FBLN5: variants seen among roughly 807,000 people sequenced by gnomAD.
The protein encoded by FBLN5 is fibulin-5.
FBLN5 carries 24 observed loss-of-function variants against 61.6 expected under a neutral mutation model. The observed-to-expected ratio is 0.39, with a 90% CI of 0.28 to 0.55. FBLN5 has a LOEUF of 0.55. Among genes scored for constraint, FBLN5 ranks in the 20% least tolerant of loss-of-function variants. The pLI is 0.65. For synonymous variants in FBLN5, 213 were observed against 219.8 expected, an observed-to-expected ratio of 0.97 and a Z score of 0.27; for missense variants, 470 against 594.1, an observed-to-expected ratio of 0.79 and a Z score of 2.17.
At position 91,937,176 on chromosome 14, in the gene FBLN5, G is replaced by C. The variant is rs762552815; in HGVS notation, c.150C>G (p.Pro50=). Residue 50 remains proline (P), a synonymous_variant, in exon 4 of 11, where the codon CCC becomes CCG. Coordinates refer to ENST00000342058, the MANE Select transcript of FBLN5 (RefSeq NM_006329.4). ...CLDIDECRTI[P]EACRGDMMCV... ...ACATCATGTCTCCTCGGCAGGCCTC[G>C]GGGATGGTTCGGCATTCATCAATAT... The C allele has an allele frequency of 6.2e-7, 1 of 1,614,100 alleles. No homozygotes were observed. Among genetic ancestry groups the C allele is most frequent in the Admixed American group, 1.7e-5 (1 of 60,014 alleles).
At chr14:91,871,086 T>C (rs7142368) in intron 10 of FBLN5, among the ~76,000 whole-genome samples, 8,742 of 152,086 alleles carry the variant, frequency 0.057, 654 homozygotes, top group African/African-American at 0.18. Context: ...TGACATCATA[T>C]ATACACCAAA....
chr14:91,870,498 C>T (rs2139937261), intron 10 of FBLN5, 113 bp from the exon 11 acceptor site: 1 of 991,776 alleles, frequency 1.0e-6, no homozygotes, highest in East Asian at 2.4e-5. Flanking sequence ...CTCGGTGCCT[C>T]AACTGTGCCA....
At chr14:91,921,674 G>A (rs1176796964) in intron 4 of FBLN5, among the ~76,000 whole-genome samples, 1 of 152,180 alleles carries the variant, frequency 6.6e-6, no homozygotes, top group Non-Finnish European at 1.5e-5. Flanking sequence ...GGGAGTAACT[G>A]CGGTGTAATT....
chr14:91,911,600 C>A (rs975684181), intron 4 of FBLN5, among the ~76,000 whole-genome samples: 1 of 152,210 alleles, frequency 6.6e-6, no homozygotes, highest in Non-Finnish European at 1.5e-5. Context: ...GAACCTTCCA[C>A]TAGCTCCGCA....
At chr14:91,942,410 G>A (rs540944610) in intron 2 of FBLN5, among the ~76,000 whole-genome samples, 8 of 152,354 alleles carry the variant, frequency 5.3e-5, no homozygotes, top group East Asian at 1.9e-4. Flanking sequence ...ATGCAGACCC[G>A]TGGGGGTCCT....
chr14:91,892,419 C>T (rs1890033331), intron 5 of FBLN5, among the ~76,000 whole-genome samples: 1 of 152,242 alleles, frequency 6.6e-6, no homozygotes, highest in Non-Finnish European at 1.5e-5. Context: ...GGCTTAGAGC[C>T]TCAGTCCTTG....
At chr14:91,922,311 AAAGT>A (rs1419939688) in intron 4 of FBLN5, among the ~76,000 whole-genome samples, 2 of 129,270 alleles carry the variant, frequency 1.5e-5, no homozygotes, top group African/African-American at 2.9e-5. Context: ...TAATAATAAT[AAAGT>A]AAATAAATAA....
chr14:91,879,054 T>C (rs1032901315), intron 9 of FBLN5, among the ~76,000 whole-genome samples: 1 of 152,230 alleles, frequency 6.6e-6, no homozygotes, highest in African/African-American at 2.4e-5. Flanking sequence ...CGCTCCAGCC[T>C]GGGTGGCAGA....
chr14:91,905,829 C>T (rs998517768), intron 4 of FBLN5, among the ~76,000 whole-genome samples: 21 of 152,032 alleles, frequency 1.4e-4, no homozygotes, highest in Admixed American at 4.6e-4. Context: ...CTGCCCGCCT[C>T]GACCTCCCAA....
intron 1 of FBLN5, among the ~76,000 whole-genome samples, chr14:91,945,386 C>T (rs1330784418): frequency 6.6e-6 from 1 of 152,080 alleles, no homozygotes; most frequent in East Asian, 1.9e-4. Context: ...CCTTGAGAAC[C>T]AGTTGGGGAG....
At chr14:91,877,392 C>A (rs1329430435) in intron 10 of FBLN5, 95 bp downstream of exon 10, 26 of 1,022,264 alleles carry the variant, frequency 2.5e-5, no homozygotes, top group South Asian at 1.0e-4. Flanking sequence ...TGTCCCCCAG[C>A]CCCACTCTTA....
At chr14:91,941,999 CA>C (rs2056113098) in intron 2 of FBLN5, 1 of 360,994 alleles carries the variant, frequency 2.8e-6, no homozygotes, top group Non-Finnish European at 5.5e-6. Flanking sequence ...GAATATGCTT[CA>C]AAATTCTTAA....
At chr14:91,913,217 C>T (rs150505547) in intron 4 of FBLN5, among the ~76,000 whole-genome samples, 109 of 152,256 alleles carry the variant, frequency 7.2e-4, no homozygotes, top group African/African-American at 2.4e-3. Context: ...CGAACCCAAC[C>T]AGCCCCTCCA....
chr14:91,914,059 G>A (rs1018752536), intron 4 of FBLN5, among the ~76,000 whole-genome samples: 1 of 152,186 alleles, frequency 6.6e-6, no homozygotes, highest in African/African-American at 2.4e-5. Context: ...AATTAGAAAA[G>A]GGGCCATGCA....
At chr14:91,936,921 G>C (rs1317387192) in intron 4 of FBLN5, 26 bp downstream of exon 4, 7 of 1,613,936 alleles carry the variant, frequency 4.3e-6, no homozygotes, top group African/African-American at 1.3e-5. Context: ...GCACAGCGGA[G>C]AGGAACAAAA....
chr14:91,909,123 T>C (rs906563102), intron 4 of FBLN5, among the ~76,000 whole-genome samples: 3 of 152,002 alleles, frequency 2.0e-5, no homozygotes, highest in African/African-American at 4.8e-5. Flanking sequence ...TTCACCGTGT[T>C]AGCCAGGATG....
intron 4 of FBLN5, among the ~76,000 whole-genome samples, chr14:91,900,753 T>G (rs1325076181): frequency 6.6e-6 from 1 of 152,156 alleles, no homozygotes; most frequent in African/African-American, 2.4e-5. Context: ...TGAGAGTTCA[T>G]GAATTAACAG....
At chr14:91,940,080 GA>G in intron 3 of FBLN5, 1 of 402,546 alleles carries the variant, frequency 2.5e-6, no homozygotes, top group Non-Finnish European at 4.8e-6. Flanking sequence ...GCCCTCCACT[GA>G]CAGTCAGCAA....
intron 4 of FBLN5, among the ~76,000 whole-genome samples, chr14:91,919,386 A>AAGG (rs1566819967): frequency 9.4e-4 from 89 of 94,842 alleles, no homozygotes; most frequent in South Asian, 2.5e-3. Flanking sequence ...GAAAAGAAAG[A>AAGG]AAGAAAGGAA....
Sources: allele counts gnomAD v4.1 joint callset (sites outside exome capture counted in the v4.1 genomes callset), GRCh38; gene constraint gnomAD v4.1.1; transcripts MANE v1.5; gene names NCBI Gene and HGNC (gene_info 2026-07-23, HGNC 2026-07-21).